The following TSPAN9 variants were observed in gnomAD, a reference collection of about 807,000 sequenced individuals.
TSPAN9 encodes tetraspanin-9.
A neutral mutation model predicts 31.0 loss-of-function variants in TSPAN9; 16 were observed. The observed-to-expected ratio is 0.52, with a 90% CI of 0.35 to 0.78. The LOEUF is 0.78. Ranked by LOEUF, TSPAN9 falls within the 30% of genes least tolerant of loss-of-function variation. The probability of loss-of-function intolerance (pLI) is 0.01; values close to 1 mark genes in which losing one functional copy is unlikely to be tolerated. For synonymous variants in TSPAN9, 145 were observed against 121.6 expected (o/e 1.19, Z -1.27); for missense variants, 272 against 312.5 (o/e 0.87, Z 0.98).
At chr12:3,108,809 T>C (rs2098316028) in intron 2 of TSPAN9, among the ~76,000 whole-genome samples, 1 of 152,234 alleles carries the variant, frequency 6.6e-6, no homozygotes, top group African/African-American at 2.4e-5. Context: ...TAGCAGATTT[T>C]TAATTTCAAG....
intron 1 of TSPAN9, among the ~76,000 whole-genome samples, chr12:3,079,548 G>C (rs1044699899): frequency 2.0e-5 from 3 of 151,916 alleles, no homozygotes; most frequent in African/African-American, 7.3e-5. Flanking sequence ...TGCAACCTCT[G>C]CCTACTGGGT....
intron 3 of TSPAN9, among the ~76,000 whole-genome samples, chr12:3,219,271 T>G (rs183911428): frequency 6.6e-6 from 1 of 152,312 alleles, no homozygotes; most frequent in African/African-American, 2.4e-5. Flanking sequence ...GACAGTGACA[T>G]GCAACCTGCC....
intron 3 of TSPAN9, among the ~76,000 whole-genome samples, chr12:3,251,359 G>T (rs912211157): frequency 4.7e-5 from 7 of 150,474 alleles, no homozygotes; most frequent in African/African-American, 1.8e-4. Context: ...GGTGCTGGGG[G>T]TGTGGGGAGG....
Position 3,172,916 on chromosome 12 carries a change from G to T in TSPAN9, c.-17-28261G>T, listed in dbSNP as rs1188649404. ...CAGCGCAGGTTGTTACCACCGCTGG[G>T]CCCTCCCACCACCTGACCTTGAAGC... On this transcript the variant is annotated intron_variant, in intron 2 of 8. Transcript: ENST00000011898. This position sits in a 1 kb window ranked among gnomAD's most constrained non-coding sequence, Gnocchi z 4.8. The T allele has an allele frequency of 6.6e-6, 1 of 152,232 alleles. No homozygotes were observed. The highest frequency in any genetic ancestry group is 2.4e-5 in the African/African-American group (1 of 41,436). 9.4% of individuals were successfully genotyped at this position (152,232 alleles called of 1,614,324 possible). A position where few individuals can be genotyped will look rare whatever the true frequency, so the allele number is the denominator to read the frequency against.
intron 2 of TSPAN9, among the ~76,000 whole-genome samples, chr12:3,132,911 C>T (rs1014646695): frequency 3.3e-5 from 5 of 152,116 alleles, no homozygotes; most frequent in South Asian, 2.1e-4. Flanking sequence ...AGCTCCTCCC[C>T]GTCACCTTTG....
chr12:3,156,323 T>A (rs2098342252), intron 2 of TSPAN9, among the ~76,000 whole-genome samples: 1 of 152,104 alleles, frequency 6.6e-6, no homozygotes, highest in Non-Finnish European at 1.5e-5. Context: ...TTTGCTTTTA[T>A]CTGTGTCCTC....
intron 3 of TSPAN9, among the ~76,000 whole-genome samples, chr12:3,253,404 T>C (rs1169130639): frequency 2.6e-5 from 4 of 152,106 alleles, no homozygotes; most frequent in African/African-American, 9.7e-5. Context: ...CCCTGGTAAG[T>C]TCCTTGACCT....
chr12:3,254,179 A>G (rs1158224607), intron 3 of TSPAN9, among the ~76,000 whole-genome samples: 1 of 152,246 alleles, frequency 6.6e-6, no homozygotes, highest in Non-Finnish European at 1.5e-5. Context: ...TCACTCCTGC[A>G]GCACAGGCTG....
intron 2 of TSPAN9, among the ~76,000 whole-genome samples, chr12:3,177,545 G>T (rs536255158): frequency 6.6e-6 from 1 of 152,150 alleles, no homozygotes; most frequent in East Asian, 1.9e-4. Flanking sequence ...AGATTCTCCT[G>T]CCTCAGCCTC....
At chr12:3,142,190 C>T (rs1004704222) in intron 2 of TSPAN9, among the ~76,000 whole-genome samples, 6 of 152,170 alleles carry the variant, frequency 3.9e-5, no homozygotes, top group African/African-American at 1.4e-4. Context: ...CGCTGCTGGG[C>T]CCAGATGCCC....
intron 2 of TSPAN9, among the ~76,000 whole-genome samples, chr12:3,119,907 C>G (rs576502959): frequency 2.0e-5 from 3 of 152,072 alleles, no homozygotes; most frequent in Non-Finnish European, 4.4e-5. Context: ...GCCAGCGCCC[C>G]GGAGTCTGGT....
intron 7 of TSPAN9, 119 bp downstream of exon 7, chr12:3,281,448 G>C (rs979503626): frequency 7.1e-7 from 1 of 1,404,362 alleles, no homozygotes; most frequent in Non-Finnish European, 9.3e-7. Flanking sequence ...TGTGGCGGTG[G>C]GGGGCTCACA....
chr12:3,230,119 G>A (rs1195432884), intron 3 of TSPAN9, among the ~76,000 whole-genome samples: 1 of 152,162 alleles, frequency 6.6e-6, no homozygotes, highest in African/African-American at 2.4e-5. Context: ...CTACTAGCTG[G>A]TTGTGTCCTG....
At position 3,192,157 on chromosome 12, in the gene TSPAN9, C is replaced by T. The variant is rs775190448; in HGVS notation, c.-17-9020C>T. ...AAAGGCAGGGATCAGTCATGCCGGC[C>T]GTTTAGGGTTGCTCTAAGGATTTGG... is the stretch of plus-strand genomic sequence containing the variant. On this transcript the variant is annotated intron_variant, in intron 2 of 8. Coordinates refer to ENST00000011898, the MANE Select transcript of TSPAN9 (RefSeq NM_006675.5). This position sits in a 1 kb window ranked among gnomAD's most constrained non-coding sequence, Gnocchi z 4.6. 6.6e-6 allele frequency among the ~76,000 whole-genome samples: 1 copy of T among 152,026 alleles called. No homozygotes were observed. The highest frequency in any genetic ancestry group is 1.5e-5 in the Non-Finnish European group (1 of 68,022).
At chr12:3,136,711 C>G (rs114201827) in intron 2 of TSPAN9, among the ~76,000 whole-genome samples, 1 of 152,120 alleles carries the variant, frequency 6.6e-6, no homozygotes, top group African/African-American at 2.4e-5. Flanking sequence ...TTCAGGTGCC[C>G]GTGGGAAGCT....
intron 2 of TSPAN9, among the ~76,000 whole-genome samples, chr12:3,174,443 G>C (rs1381296097): frequency 6.6e-6 from 1 of 152,208 alleles, no homozygotes. Flanking sequence ...CTGGGATTCT[G>C]TGTGTTAGAA....
intron 2 of TSPAN9, among the ~76,000 whole-genome samples, chr12:3,102,587 G>A (rs1440234386): frequency 6.6e-6 from 1 of 151,764 alleles, no homozygotes. Context: ...ACAGGCGCCC[G>A]CCACCACGCC....
chr12:3,160,923 A>G (rs1207919500), intron 2 of TSPAN9, among the ~76,000 whole-genome samples: 1 of 152,212 alleles, frequency 6.6e-6, no homozygotes, highest in African/African-American at 2.4e-5. Context: ...GCAACATAAG[A>G]GTTTTTAATT....
chr12:3,227,725 G>T (rs1400389934), intron 3 of TSPAN9, among the ~76,000 whole-genome samples: 1 of 152,202 alleles, frequency 6.6e-6, no homozygotes, highest in Non-Finnish European at 1.5e-5. Context: ...TCCTCTCCAT[G>T]TGAGGCAGGG....
Sources: allele counts gnomAD v4.1 joint callset (sites outside exome capture counted in the v4.1 genomes callset), GRCh38; gene constraint gnomAD v4.1.1; non-coding constraint Gnocchi (gnomAD v3.1); transcripts MANE v1.5; gene names NCBI Gene and HGNC (gene_info 2026-07-23, HGNC 2026-07-21).